PHKA1: variants seen among roughly 807,000 people sequenced by gnomAD.
PHKA1 encodes phosphorylase b kinase regulatory subunit alpha, skeletal muscle isoform.
In PHKA1, 60 loss-of-function variants were observed where a neutral mutation model predicts 110.2. That is an observed-to-expected ratio of 0.54 (90% confidence interval 0.44 to 0.68). The LOEUF (loss-of-function observed/expected upper bound fraction) is 0.68, where lower values mean the gene tolerates loss of function less well. Ranked by LOEUF, PHKA1 falls within the 30% of genes least tolerant of loss-of-function variation. The pLI is 0.00. For synonymous variants in PHKA1, 316 were observed against 333.6 expected (o/e 0.95, Z 0.58); for missense variants, 801 against 942.5 (o/e 0.85, Z 1.97).
intron 29 of PHKA1, among the ~76,000 whole-genome samples, chrX:72,592,387 A>G (rs929086602): frequency 4.4e-5 from 5 of 112,464 alleles, no homozygotes; most frequent in Non-Finnish European, 9.4e-5. Context: ...TCAGGTCCTT[A>G]TTAAAGCCAG....
At chrX:72,699,701 G>A (rs1019834398) in intron 3 of PHKA1, among the ~76,000 whole-genome samples, 1 of 109,515 alleles carries the variant, frequency 9.1e-6, no homozygotes, top group Non-Finnish European at 1.9e-5. Context: ...GAGTTAGAGG[G>A]CTTTAACTCC....
intron 2 of PHKA1, among the ~76,000 whole-genome samples, chrX:72,710,843 TTTTTTTTTA>T (rs2054364741): frequency 3.7e-5 from 4 of 106,846 alleles, no homozygotes; most frequent in African/African-American, 1.0e-4. Flanking sequence ...TTTTTTTATT[TTTTTTTTTA>T]TTTTTATTTT....
At chrX:72,591,692 A>G (rs1444473404) in intron 29 of PHKA1, among the ~76,000 whole-genome samples, 2 of 112,307 alleles carry the variant, frequency 1.8e-5, no homozygotes, top group African/African-American at 6.5e-5. Context: ...TCCATATTAC[A>G]GTATTCAACA....
At chrX:72,681,502 T>G in intron 5 of PHKA1, among the ~76,000 whole-genome samples, 1 of 77,841 alleles carries the variant, frequency 1.3e-5, no homozygotes. Context: ...GGTGGGGGGG[T>G]CAGCCCCCCG....
At chrX:72,587,727 G>T (rs1254904275) in intron 29 of PHKA1, among the ~76,000 whole-genome samples, 1 of 111,016 alleles carries the variant, frequency 9.0e-6, no homozygotes, top group Non-Finnish European at 1.9e-5. Context: ...AAAATAAAGG[G>T]ATAGAAGAAG....
At chrX:72,630,507 A>G (rs2053150878) in intron 16 of PHKA1, among the ~76,000 whole-genome samples, 1 of 111,134 alleles carries the variant, frequency 9.0e-6, no homozygotes, top group Admixed American at 9.6e-5. Flanking sequence ...TAGCTTTCCT[A>G]CATCTGAGAA....
rs184699611 is a variant in PHKA1, at chrX:72,687,076, G to A, written c.455-2496C>T. Among the ~76,000 whole-genome samples the A allele has an allele frequency of 3.8e-4, 43 of 111,801 alleles. No individual in the cohort carries two copies. In the East Asian group the frequency reaches 0.011, roughly 30 times the overall value. On this transcript the variant is annotated intron_variant, in intron 4 of 31. Coordinates refer to ENST00000373542, the MANE Select transcript of PHKA1 (RefSeq NM_002637.4). ...CCAGTTTTTTATTATGAGTAAGGTT[G>A]TAAATCTTTTGATATATTTATAAGC...
chrX:72,651,336 A>G (rs2053427196), intron 12 of PHKA1, among the ~76,000 whole-genome samples: 1 of 111,015 alleles, frequency 9.0e-6, no homozygotes, highest in Non-Finnish European at 1.9e-5. Context: ...TGGGCTTTCG[A>G]GACCAGCCTG....
chrX:72,638,275 G>A (rs782419337), intron 14 of PHKA1, among the ~76,000 whole-genome samples: 2 of 107,200 alleles, frequency 1.9e-5, no homozygotes, highest in African/African-American at 6.8e-5. Context: ...ATGGCCGACT[G>A]TGATGGTGTG....
chrX:72,598,609 A>G (rs782347086), intron 28 of PHKA1, among the ~76,000 whole-genome samples: 1 of 112,159 alleles, frequency 8.9e-6, no homozygotes, highest in East Asian at 2.8e-4. Context: ...CCAGGTGTCC[A>G]TCAACTGATG....
At chrX:72,655,787 T>A (rs2053488396) in intron 10 of PHKA1, among the ~76,000 whole-genome samples, 4 of 111,905 alleles carry the variant, frequency 3.6e-5, no homozygotes, top group Admixed American at 9.4e-5. Flanking sequence ...CACGCCCAGC[T>A]AATTTTTTGT....
At chrX:72,592,197 G>A (rs1189283248) in intron 29 of PHKA1, among the ~76,000 whole-genome samples, 1 of 112,465 alleles carries the variant, frequency 8.9e-6, no homozygotes, top group African/African-American at 3.2e-5. Flanking sequence ...TGCTATAGAA[G>A]TTAGCTGCAA....
At chrX:72,642,558 C>T (rs1479764614) in intron 14 of PHKA1, among the ~76,000 whole-genome samples, 2 of 110,720 alleles carry the variant, frequency 1.8e-5, no homozygotes, top group African/African-American at 3.3e-5. Context: ...TATCTGGAGA[C>T]TAGAAGTGCA....
intron 28 of PHKA1, among the ~76,000 whole-genome samples, chrX:72,594,822 T>C (rs2052568834): frequency 8.9e-6 from 1 of 112,218 alleles, no homozygotes; most frequent in African/African-American, 3.2e-5. Flanking sequence ...CGTTCCCACA[T>C]AGTAGTAAAG....
chrX:72,586,288 G>C (rs1603250021), intron 29 of PHKA1, among the ~76,000 whole-genome samples: 1 of 112,073 alleles, frequency 8.9e-6, no homozygotes, highest in Admixed American at 9.4e-5. Context: ...AGGCAAAGAG[G>C]GTCTGGAGGG....
rs1004721294 is a variant in PHKA1, at chrX:72,712,263, T to C, written c.237+516A>G. 3.4e-5 allele frequency: 4 copies of C among 117,886 alleles called. No individual in the cohort carries two copies. The Admixed American group carries it at 3.5e-4, about 10-fold the overall frequency. 9.7% of individuals were successfully genotyped at this position (117,886 alleles called of 1,213,427 possible). A position where few individuals can be genotyped will look rare whatever the true frequency, so the allele number is the denominator to read the frequency against. ...ACTCTGACCTCATTTTGCCCAGGAG[T>C]TGGGGGAGGGAGGAAGCAACAGGCT... On this transcript the variant is annotated intron_variant, in intron 2 of 31. Coordinates refer to ENST00000373542, the MANE Select transcript of PHKA1 (RefSeq NM_002637.4).
chrX:72,612,971 T>C (rs1455135479), intron 21 of PHKA1, among the ~76,000 whole-genome samples: 5 of 110,669 alleles, frequency 4.5e-5, no homozygotes, highest in Non-Finnish European at 9.5e-5. Context: ...GTACCAGCTG[T>C]AGGTAACCTC....
intron 13 of PHKA1, among the ~76,000 whole-genome samples, chrX:72,648,357 C>T (rs2053386354): frequency 9.0e-6 from 1 of 110,651 alleles, no homozygotes; most frequent in African/African-American, 3.3e-5. Flanking sequence ...GAGACACTGA[C>T]AAAGATCAGA....
At chrX:72,699,974 T>G (rs1556328930) in intron 3 of PHKA1, among the ~76,000 whole-genome samples, 2 of 112,290 alleles carry the variant, frequency 1.8e-5, no homozygotes, top group Non-Finnish European at 3.8e-5. Context: ...AAAGGCACAC[T>G]GATGCAAAAC....
Sources: gnomAD v4.1 joint callset for allele counts (sites outside exome capture counted in the v4.1 genomes callset) on GRCh38, gnomAD v4.1.1 for gene constraint, MANE v1.5 for transcripts, NCBI Gene and HGNC (gene_info 2026-07-23, HGNC 2026-07-21) for gene names.